The following SIPA1L2 variants were observed in gnomAD, a reference collection of about 807,000 sequenced individuals.
SIPA1L2 encodes the protein signal-induced proliferation-associated 1-like protein 2.
A neutral mutation model predicts 163.9 loss-of-function variants in SIPA1L2; 56 were observed. The observed-to-expected ratio is 0.34, with a 90% CI of 0.28 to 0.43. The LOEUF is 0.43. Ranked by LOEUF, SIPA1L2 falls within the 20% of genes least tolerant of loss-of-function variation. The pLI is 1.00. For synonymous variants in SIPA1L2, 877 were observed against 865.7 expected, an observed-to-expected ratio of 1.01 and a Z score of -0.23; for missense variants, 1,974 against 2,193.5, an observed-to-expected ratio of 0.90 and a Z score of 2.00.
chr1:232,590,469 T>C (rs890179276), intron 1 of SIPA1L2, among the ~76,000 whole-genome samples: 3 of 152,244 alleles, frequency 2.0e-5, no homozygotes, highest in African/African-American at 7.2e-5. Context: ...TTAACAAGAC[T>C]GCTGGAAGAA....
In SIPA1L2 at chr1:232,465,217, T is replaced by A. The variant is rs1446461560; in HGVS notation, c.2443A>T (p.Asn815Tyr). Residue 815 changes from asparagine (N) to tyrosine (Y), a missense_variant, in exon 9 of 23, where the codon AAC (asparagine) becomes TAC (tyrosine). Physicochemically the swap from Asn to Tyr is moderately radical, Grantham distance 143. Around this residue, in one of 3 missense-constraint regions of SIPA1L2, gnomAD observed 288 missense variants for 418.9 expected, o/e 0.69. Transcript: ENST00000674635. The surrounding 1 kb of genome is among the most constrained non-coding windows in gnomAD (Gnocchi z 4.1). ...TCCACGGTGGCGGTTGTGACAAAGTTCTCCGCCAGATCTTTCAAGTACTCC... is the reference window on the plus strand; with the variant it reads ...TCCACGGTGGCGGTTGTGACAAAGTACTCCGCCAGATCTTTCAAGTACTCC... ...RQEYLKDLAE[N>Y]FVTTATVDTS... The A allele has an allele frequency of 6.2e-7, 1 of 1,614,024 alleles. No individual in the cohort carries two copies. Among genetic ancestry groups the A allele is most frequent in the Non-Finnish European group, 8.5e-7 (1 of 1,180,044 alleles).
At chr1:232,610,656 C>T (rs1662191146) in intron 1 of SIPA1L2, among the ~76,000 whole-genome samples, 1 of 152,136 alleles carries the variant, frequency 6.6e-6, no homozygotes, top group Admixed American at 6.5e-5. Flanking sequence ...ATGACGAACT[C>T]AGGCACCTGG....
rs1659954701 is a variant in SIPA1L2 at position 232,574,188 on chromosome 1, G to GCAGCGGGCTCCTGCTCACA, written c.-303_-285dup. 6.6e-6 allele frequency among the ~76,000 whole-genome samples: 1 copy of GCAGCGGGCTCCTGCTCACA among 152,196 alleles called. No homozygotes were observed. The highest frequency in any genetic ancestry group is 1.5e-5 in the Non-Finnish European group (1 of 68,034). On this transcript the variant is annotated 5_prime_UTR_variant, in exon 2 of 23. Transcript: ENST00000674635. ...TGCAGGCTTACCTGAGTGGGGAAGAGCAGCGGGCTCCTGCTCACACAGCCT... is the reference window on the plus strand; with the variant it reads ...TGCAGGCTTACCTGAGTGGGGAAGAGCAGCGGGCTCCTGCTCACACAGCGGGCTCCTGCTCACACAGCCT...
intron 1 of SIPA1L2, among the ~76,000 whole-genome samples, chr1:232,629,279 A>G (rs1233485385): frequency 6.6e-6 from 1 of 152,204 alleles, no homozygotes; most frequent in Non-Finnish European, 1.5e-5. Flanking sequence ...ACGTGGGCAA[A>G]CTACCCTCAC....
chr1:232,494,486 G>A (rs1666080699), intron 3 of SIPA1L2, among the ~76,000 whole-genome samples: 1 of 152,190 alleles, frequency 6.6e-6, no homozygotes, highest in South Asian at 2.1e-4. Context: ...ATGGGAACAT[G>A]GGGAGAACAT....
At chr1:232,550,971 G>A (rs1658345695) in intron 2 of SIPA1L2, among the ~76,000 whole-genome samples, 1 of 152,108 alleles carries the variant, frequency 6.6e-6, no homozygotes, top group Non-Finnish European at 1.5e-5. Context: ...CTGGGAGTGA[G>A]GAGACAGGTA....
rs764655082 is a variant in SIPA1L2 at position 232,432,444 on chromosome 1, T to A, written c.4059A>T (p.Ser1353=). 6.2e-7 allele frequency: 1 copy of A among 1,614,230 alleles called. No homozygotes were observed. The highest frequency in any genetic ancestry group is 8.5e-7 in the Non-Finnish European group (1 of 1,180,032). ...SSGSHHSGSP[S]AHCSKSSGSL... ...ACCCACTACTTTTTGAACAGTGAGC[T>A]GAAGGGCTTCCTGAATGGTGAGAAC... is the stretch of plus-strand genomic sequence containing the variant. Residue 1353 remains serine, a synonymous_variant, in exon 16 of 23, where the codon TCA becomes TCT. Coordinates refer to ENST00000674635, the MANE Select transcript of SIPA1L2 (RefSeq NM_020808.5).
chr1:232,531,968 G>T (rs117780363), intron 2 of SIPA1L2, among the ~76,000 whole-genome samples: 2 of 152,316 alleles, frequency 1.3e-5, no homozygotes, highest in East Asian at 3.9e-4. Context: ...AAGGTAGCGG[G>T]CTCAGATCCG....
chr1:232,561,561 C>T (rs1011368035), intron 2 of SIPA1L2: 2 of 152,238 alleles, frequency 1.3e-5, no homozygotes, highest in African/African-American at 4.8e-5. Flanking sequence ...CCCCTAGTAA[C>T]AGGAAATGAA....
At chr1:232,472,206 T>A (rs1664835567) in intron 7 of SIPA1L2, among the ~76,000 whole-genome samples, 2 of 152,216 alleles carry the variant, frequency 1.3e-5, no homozygotes, top group African/African-American at 4.8e-5. Flanking sequence ...CTGCCAAGAA[T>A]GCCCCCTTCC....
intron 18 of SIPA1L2, 44 bp downstream of exon 18, chr1:232,425,545 C>A: frequency 2.0e-6 from 3 of 1,474,164 alleles, no homozygotes; most frequent in Non-Finnish European, 2.7e-6. Context: ...GTGCGATCAG[C>A]CCACCCTCGG....
At chr1:232,555,887 T>C (rs1244034043) in intron 2 of SIPA1L2, among the ~76,000 whole-genome samples, 2 of 152,064 alleles carry the variant, frequency 1.3e-5, no homozygotes, top group Non-Finnish European at 2.9e-5. Flanking sequence ...CTCACAAGGG[T>C]ATTAACTGAA....
chr1:232,488,344 C>G (rs564493502), intron 5 of SIPA1L2, among the ~76,000 whole-genome samples: 1 of 152,280 alleles, frequency 6.6e-6, no homozygotes, highest in African/African-American at 2.4e-5. Flanking sequence ...GGAAGATTTA[C>G]TATTAGGAAA....
chr1:232,553,442 A>C (rs1658519760), intron 2 of SIPA1L2, among the ~76,000 whole-genome samples: 1 of 152,164 alleles, frequency 6.6e-6, no homozygotes, highest in Non-Finnish European at 1.5e-5. Context: ...GCCTGTTCCC[A>C]CTTAGGGCCG....
At chr1:232,536,245 C>T (rs1327886537) in intron 2 of SIPA1L2, among the ~76,000 whole-genome samples, 6 of 152,222 alleles carry the variant, frequency 3.9e-5, no homozygotes, top group Admixed American at 1.3e-4. Context: ...CTCCCGAAAT[C>T]CTTCACTCTC....
intron 6 of SIPA1L2, among the ~76,000 whole-genome samples, chr1:232,482,887 T>A (rs1665436656): frequency 6.6e-6 from 1 of 152,082 alleles, no homozygotes; most frequent in African/African-American, 2.4e-5. Flanking sequence ...CTACTGGGAG[T>A]TGGGGCAAGA....
chr1:232,494,233 C>A (rs1370972212), intron 3 of SIPA1L2, among the ~76,000 whole-genome samples: 1 of 152,204 alleles, frequency 6.6e-6, no homozygotes, highest in East Asian at 1.9e-4. Flanking sequence ...AGAAAATACA[C>A]AAAAGGTCAG....
chr1:232,471,671 T>C, intron 7 of SIPA1L2, 143 bp from the exon 8 acceptor site: 1 of 690,674 alleles, frequency 1.4e-6, no homozygotes, highest in Non-Finnish European at 2.2e-6. Flanking sequence ...AAATTTGGCA[T>C]AGAAAAAGCA....
chr1:232,571,298 A>C (rs1256948910), intron 2 of SIPA1L2, among the ~76,000 whole-genome samples: 1 of 152,236 alleles, frequency 6.6e-6, no homozygotes, highest in Non-Finnish European at 1.5e-5. Flanking sequence ...GATGTCTACA[A>C]TATATTGGTA....
Sources: allele counts gnomAD v4.1 joint callset (sites outside exome capture counted in the v4.1 genomes callset), GRCh38; gene constraint gnomAD v4.1.1; regional missense constraint gnomAD v4.1.1; non-coding constraint Gnocchi (gnomAD v3.1); transcripts MANE v1.5; gene names NCBI Gene and HGNC (gene_info 2026-07-23, HGNC 2026-07-21).